KCNMB2: variants seen among roughly 807,000 people sequenced by gnomAD.
KCNMB2 encodes calcium-activated potassium channel subunit beta-2.
A neutral mutation model predicts 24.5 loss-of-function variants in KCNMB2; 9 were observed. The ratio of observed to expected loss-of-function variants is 0.37; its 90% CI spans 0.22 to 0.64. KCNMB2 has a LOEUF of 0.64. KCNMB2 is among the 30% of genes least tolerant of loss of function. The pLI is 0.63. For missense variants in KCNMB2, 226 were observed against 284.3 expected (o/e 0.79, Z 1.47); for synonymous variants, 109 against 104.4 (o/e 1.04, Z -0.27).
intron 1 of KCNMB2, among the ~76,000 whole-genome samples, chr3:178,662,529 T>A (rs1720568845): frequency 6.6e-6 from 1 of 152,104 alleles, no homozygotes; most frequent in Non-Finnish European, 1.5e-5. Flanking sequence ...TTCTGTGGTA[T>A]AAAAAGGACA....
At position 178,775,379 on chromosome 3, in the gene KCNMB2, C is replaced by T. The variant is rs554790557; in HGVS notation, c.-67-31964C>T. Among the ~76,000 whole-genome samples, 336 of 151,622 alleles carry T rather than the reference C, an allele frequency of 2.2e-3. 2 individuals carry two copies. The highest frequency in any genetic ancestry group is 7.7e-3 in the African/African-American group (317 of 41,344). ...ATAAATGCATCAGTAAATAAAACAC[C>T]CAGAGAAATTGTTTTAAAGACAAAG... On this transcript the variant is annotated intron_variant, in intron 1 of 4. Coordinates refer to ENST00000452583, the MANE Select transcript of KCNMB2 (RefSeq NM_181361.3).
intron 1 of KCNMB2, among the ~76,000 whole-genome samples, chr3:178,707,431 C>T (rs1722314409): frequency 6.6e-6 from 1 of 152,072 alleles, no homozygotes. Flanking sequence ...TCTGAAGTGC[C>T]ATGCTCTTGG....
intron 2 of KCNMB2, among the ~76,000 whole-genome samples, chr3:178,817,443 C>T (rs1432781120): frequency 6.6e-6 from 1 of 151,912 alleles, no homozygotes; most frequent in Non-Finnish European, 1.5e-5. Flanking sequence ...ATGGAAGAGG[C>T]TGTGGTGGAC....
chr3:178,576,939 G>A (rs1560115997), intron 1 of KCNMB2, among the ~76,000 whole-genome samples: 2 of 152,206 alleles, frequency 1.3e-5, no homozygotes, highest in Non-Finnish European at 2.9e-5. Flanking sequence ...AAATATTCCT[G>A]ACTGCCAGCT....
chr3:178,749,945 A>G (rs1577147428), intron 1 of KCNMB2, among the ~76,000 whole-genome samples: 1 of 152,204 alleles, frequency 6.6e-6, no homozygotes, highest in South Asian at 2.1e-4. Flanking sequence ...GTAACTATGT[A>G]AGATTGAAGA....
At chr3:178,560,105 AT>A (rs1248163449) in intron 1 of KCNMB2, among the ~76,000 whole-genome samples, 1 of 148,942 alleles carries the variant, frequency 6.7e-6, no homozygotes, top group Non-Finnish European at 1.5e-5. Context: ...CTTTTTATAT[AT>A]ATATAAATTA....
chr3:178,686,347 G>T lies in KCNMB2; in HGVS notation c.-67-120996G>T, dbSNP rs559561043. ...GTTTGGTGATAAAGTTGGTAGTCAT[G>T]AAGAAATATGATTTAATTTTCTTTA... On this transcript the variant is annotated intron_variant, in intron 1 of 4. Transcript: ENST00000452583. Among the ~76,000 whole-genome samples, 147 of 152,326 alleles carry T rather than the reference G, an allele frequency of 9.7e-4. 2 individuals are homozygous for T. The highest frequency in any genetic ancestry group is 3.2e-3 in the African/African-American group (134 of 41,586).
rs5028426 is a variant in KCNMB2 at position 178,670,013 on chromosome 3, T to C, written c.-68+133302T>C. 4.9e-3 allele frequency among the ~76,000 whole-genome samples: 751 copies of C among 152,216 alleles called. 5 individuals are homozygous for C. Among genetic ancestry groups the C allele is most frequent in the Non-Finnish European group, 6.9e-3 (467 of 68,008 alleles). On this transcript the variant is annotated intron_variant, in intron 1 of 4. Coordinates refer to ENST00000452583, the MANE Select transcript of KCNMB2 (RefSeq NM_181361.3). The stretch of plus-strand genomic sequence containing the variant: ...ATTCTTCTTGACTAGAAAATACATA[T>C]ACATATTGATTGATTTGCGAGAAAG...
chr3:178,759,625 C>A (rs147560338), intron 1 of KCNMB2, among the ~76,000 whole-genome samples: 9,545 of 106,710 alleles, frequency 0.089, 1,090 homozygotes, highest in Non-Finnish European at 0.12. Flanking sequence ...ACATATATCT[C>A]TCTCCAAGAG....
At chr3:178,811,796 G>C (rs528478838) in intron 2 of KCNMB2, among the ~76,000 whole-genome samples, 55 of 152,274 alleles carry the variant, frequency 3.6e-4, no homozygotes, top group Non-Finnish European at 7.1e-4. Flanking sequence ...GTTTTCCAAA[G>C]GAGCCATACA....
At position 178,835,253 on chromosome 3, in the gene KCNMB2, T is replaced by A. The variant is rs868009632; in HGVS notation, c.423+6880T>A. 9.2e-5 allele frequency among the ~76,000 whole-genome samples: 14 copies of A among 152,176 alleles called. 2 individuals carry two copies. The South Asian group carries it at 2.3e-3, about 25-fold the overall frequency. The stretch of plus-strand genomic sequence containing the variant: ...AAAGAAACAGTCATGCATAGCAGTG[T>A]GAATTCTGTTTTCCTTTTCACTACT... On this transcript the variant is annotated intron_variant, in intron 4 of 4. Coordinates refer to ENST00000452583, the MANE Select transcript of KCNMB2 (RefSeq NM_181361.3).
intron 1 of KCNMB2, among the ~76,000 whole-genome samples, chr3:178,739,967 A>G (rs1393324652): frequency 6.6e-6 from 1 of 152,226 alleles, no homozygotes; most frequent in Admixed American, 6.5e-5. Context: ...GCTCAGCTCC[A>G]GCTGACGTGG....
chr3:178,662,818 T>G (rs1021584260), intron 1 of KCNMB2, among the ~76,000 whole-genome samples: 1 of 152,154 alleles, frequency 6.6e-6, no homozygotes, highest in Non-Finnish European at 1.5e-5. Flanking sequence ...TATCTCACTG[T>G]CTTCACAGCA....
chr3:178,701,309 A>G (rs1190230643), intron 1 of KCNMB2, among the ~76,000 whole-genome samples: 4 of 152,110 alleles, frequency 2.6e-5, no homozygotes, highest in African/African-American at 9.7e-5. Context: ...CTGTTCCATT[A>G]GTCTATATCT....
At chr3:178,800,432 A>AC (rs1319703782) in intron 1 of KCNMB2, among the ~76,000 whole-genome samples, 1 of 152,168 alleles carries the variant, frequency 6.6e-6, no homozygotes, top group Non-Finnish European at 1.5e-5. Flanking sequence ...AAGGTGCTCA[A>AC]CATCATTGGT....
chr3:178,661,249 G>A (rs552986694), intron 1 of KCNMB2, among the ~76,000 whole-genome samples: 1 of 151,048 alleles, frequency 6.6e-6, no homozygotes, highest in South Asian at 2.1e-4. Context: ...CTGGTTTTCT[G>A]TTCCTGTGTT....
chr3:178,670,722 G>A (rs1043685879), intron 1 of KCNMB2, among the ~76,000 whole-genome samples: 3 of 152,160 alleles, frequency 2.0e-5, no homozygotes, highest in African/African-American at 7.2e-5. Flanking sequence ...CTGGTCAAAA[G>A]TCTTAACCAC....
intron 1 of KCNMB2, among the ~76,000 whole-genome samples, chr3:178,796,376 G>T (rs942140889): frequency 3.3e-5 from 5 of 152,122 alleles, no homozygotes; most frequent in African/African-American, 1.2e-4. Flanking sequence ...AGAATCATTG[G>T]ATTTAATCTG....
chr3:178,664,931 T>G (rs1267082214), intron 1 of KCNMB2, among the ~76,000 whole-genome samples: 1 of 152,112 alleles, frequency 6.6e-6, no homozygotes, highest in East Asian at 1.9e-4. Flanking sequence ...ATAATTTTAA[T>G]AAAACATTTT....
Sources: gnomAD v4.1 joint callset for allele counts (sites outside exome capture counted in the v4.1 genomes callset) on GRCh38, gnomAD v4.1.1 for gene constraint, MANE v1.5 for transcripts, NCBI Gene and HGNC (gene_info 2026-07-23, HGNC 2026-07-21) for gene names.